The following SAP30BP variants were observed in gnomAD, a reference collection of about 807,000 sequenced individuals.
SAP30BP encodes the protein SAP30-binding protein.
In SAP30BP, 31 loss-of-function variants were observed where a neutral mutation model predicts 46.3. The ratio of observed to expected loss-of-function variants is 0.67; its 90% CI spans 0.50 to 0.90. The LOEUF (loss-of-function observed/expected upper bound fraction) is 0.90, where lower values mean the gene tolerates loss of function less well. Among genes scored for constraint, SAP30BP ranks in the 40% least tolerant of loss-of-function variants. SAP30BP has a pLI of 0.00. For missense variants in SAP30BP, 312 were observed against 391.0 expected (o/e 0.80, Z 1.70); for synonymous variants, 169 against 144.2 (o/e 1.17, Z -1.23).
Position 75,681,496 on chromosome 17 carries a change from A to G in SAP30BP, c.264+9633A>G, listed in dbSNP as rs180922016. On this transcript the variant is annotated intron_variant, in intron 3 of 10. Transcript: ENST00000584667. ...AATTCCCTCACCCACTCTCCTCTCA[A>G]CTCCTTCCCACTGTCCTTGCATTAC... Among the ~76,000 whole-genome samples the G allele has an allele frequency of 5.9e-5, 9 of 151,914 alleles. No individual in the cohort carries two copies. In the East Asian group the frequency reaches 1.6e-3, roughly 26 times the overall value.
At chr17:75,697,327 C>G (rs368639668) in intron 4 of SAP30BP, among the ~76,000 whole-genome samples, 6 of 152,204 alleles carry the variant, frequency 3.9e-5, no homozygotes, top group South Asian at 2.1e-4. Flanking sequence ...ACCAGCTCCC[C>G]CCAGCTGATT....
rs68006166 is a variant in SAP30BP, at chr17:75,687,917, G to GGTGTGTGTGT, written c.265-5493_265-5484dup. Among the ~76,000 whole-genome samples, 703 of 120,328 alleles carry GGTGTGTGTGT rather than the reference G, an allele frequency of 5.8e-3. 1 individual carries two copies. The highest frequency in any genetic ancestry group is 0.011 in the African/African-American group (362 of 32,966). 78.9% of individuals were successfully genotyped at this position (120,328 alleles called of 152,430 possible). A position where few individuals can be genotyped will look rare whatever the true frequency, so the allele number is the denominator to read the frequency against. On this transcript the variant is annotated intron_variant, in intron 3 of 10. Coordinates refer to ENST00000584667, the MANE Select transcript of SAP30BP (RefSeq NM_013260.8). ...CAGAAGACAAACTGACAGTGTTTGGGGTGTGTGTGTGTGTGTGTGTGTGTG... is the reference window on the plus strand; with the variant it reads ...CAGAAGACAAACTGACAGTGTTTGGGGTGTGTGTGTGTGTGTGTGTGTGTGTGTGTGTGTG...
intron 3 of SAP30BP, among the ~76,000 whole-genome samples, chr17:75,675,887 AGCCTGGGT>A (rs1324445810): frequency 2.0e-5 from 3 of 152,258 alleles, no homozygotes; most frequent in South Asian, 4.1e-4. Flanking sequence ...ACTGCACTCC[AGCCTGGGT>A]GACAGACTGA....
At position 75,703,853 on chromosome 17, in the gene SAP30BP, G is replaced by C; in HGVS notation, c.595G>C (p.Ala199Pro). ...HGWSEDSYYE[A>P]LAKAQKIEMD... is the part of the protein sequence containing the mutation. ...CTGGTCTGAGGACTCCTACTATGAG[G>C]CATTAGGTAGCCTTTCGTCCCTCCT... Residue 199 changes from alanine (A) to proline (P), a missense_variant, in exon 8 of 11, where the codon GCA becomes CCA. Transcript: ENST00000584667. 1 of 1,611,994 alleles carries C rather than the reference G, an allele frequency of 6.2e-7. No homozygotes were observed. Among genetic ancestry groups the C allele is most frequent in the Non-Finnish European group, 8.5e-7 (1 of 1,178,038 alleles).
rs66721865 is a variant in SAP30BP at position 75,674,697 on chromosome 17, G to GTTTTTTT, written c.264+2856_264+2862dup. On this transcript the variant is annotated intron_variant, in intron 3 of 10. Transcript: ENST00000584667. ...TATGAAGTTTTTTTGTTTGTTTTTT[G>GTTTTTTT]TTTTTTTTTTTTTTTTTTTTTTTTT... Among the ~76,000 whole-genome samples, 324 of 61,498 alleles carry GTTTTTTT rather than the reference G, an allele frequency of 5.3e-3. 14 individuals are homozygous for GTTTTTTT. The highest frequency in any genetic ancestry group is 0.011 in the East Asian group (22 of 1,934). The allele number at this position is 61,498 out of a possible 152,430, so 40.3% of individuals were successfully genotyped here. A position where few individuals can be genotyped will look rare whatever the true frequency, so the allele number is the denominator to read the frequency against.
intron 2 of SAP30BP, among the ~76,000 whole-genome samples, chr17:75,670,745 C>G (rs181786334): frequency 4.6e-5 from 7 of 152,116 alleles, no homozygotes; most frequent in African/African-American, 7.2e-5. Context: ...CATTTAAAGC[C>G]TTGGACTCAC....
intron 1 of SAP30BP, 39 bp downstream of exon 1, chr17:75,667,517 G>T: frequency 6.3e-7 from 1 of 1,582,856 alleles, no homozygotes; most frequent in Non-Finnish European, 8.7e-7. Flanking sequence ...GGAATCGGGT[G>T]TCTGCCCGGA....
chr17:75,702,978 G>A (rs1025660447), intron 6 of SAP30BP: 1 of 384,104 alleles, frequency 2.6e-6, no homozygotes, highest in Non-Finnish European at 4.8e-6. Flanking sequence ...GCGATGTCTG[G>A]TCTTCCTCCA....
At chr17:75,674,155 T>C (rs1054861004) in intron 3 of SAP30BP, among the ~76,000 whole-genome samples, 2 of 152,150 alleles carry the variant, frequency 1.3e-5, no homozygotes, top group South Asian at 2.1e-4. Flanking sequence ...ATCCCCAGCA[T>C]GAGTCTTCTG....
At chr17:75,669,251 A>AT (rs1207918844) in intron 2 of SAP30BP, among the ~76,000 whole-genome samples, 2 of 147,062 alleles carry the variant, frequency 1.4e-5, no homozygotes, top group African/African-American at 5.4e-5. Flanking sequence ...CTAACCTATT[A>AT]TTATTTTTTT....
At chr17:75,673,441 G>A (rs707707) in intron 3 of SAP30BP, among the ~76,000 whole-genome samples, 52,261 of 151,874 alleles carry the variant, frequency 0.34, 9,240 homozygotes, top group East Asian at 0.54. Context: ...TTTAGGGTAT[G>A]TGGGACTTGG....
At chr17:75,677,755 C>T (rs1259265280) in intron 3 of SAP30BP, among the ~76,000 whole-genome samples, 2 of 119,264 alleles carry the variant, frequency 1.7e-5, no homozygotes, top group African/African-American at 3.2e-5. Context: ...ACACCCAGCC[C>T]TTTTTTTTTT....
intron 5 of SAP30BP, among the ~76,000 whole-genome samples, chr17:75,700,728 G>A (rs191467652): frequency 2.5e-4 from 38 of 152,136 alleles, no homozygotes; most frequent in Admixed American, 1.6e-3. Flanking sequence ...CCCCACCACC[G>A]CCCTCCAGAA....
intron 3 of SAP30BP, among the ~76,000 whole-genome samples, chr17:75,673,085 T>A (rs2059930950): frequency 6.6e-6 from 1 of 152,218 alleles, no homozygotes; most frequent in African/African-American, 2.4e-5. Context: ...AAATATAGTG[T>A]GAGCTGTTCC....
chr17:75,703,793 C>T lies in SAP30BP; in HGVS notation c.550-15C>T. 2 of 1,611,632 alleles carry T rather than the reference C, an allele frequency of 1.2e-6. No homozygotes were observed. Among genetic ancestry groups the T allele is most frequent in the South Asian group, 1.1e-5 (1 of 91,006 alleles). On this transcript the variant is annotated splice_polypyrimidine_tract_variant and intron_variant, in intron 7 of 10. Coordinates refer to ENST00000584667, the MANE Select transcript of SAP30BP (RefSeq NM_013260.8). ...AGTCATTTGTCATCTGAGTCATTCG[C>T]CTTTTCCTTTGCAGGATATGTTTGA...
chr17:75,703,982 G>T, intron 8 of SAP30BP, 123 bp downstream of exon 8: 1 of 801,098 alleles, frequency 1.2e-6, no homozygotes, highest in Non-Finnish European at 2.2e-6. Flanking sequence ...CATGTTCAAG[G>T]GGGCTGGGTA....
rs543433161 is a variant in SAP30BP, at chr17:75,698,146, G to A, written c.308-1637G>A. On this transcript the variant is annotated intron_variant, in intron 4 of 10. Transcript: ENST00000584667. ...CGATCCAAAGCAGGACTGCAGTGCC[G>A]GGGTGGCCCAAGGCTGCGGGGAAGA... Among the ~76,000 whole-genome samples, 11 of 152,332 alleles carry A rather than the reference G, an allele frequency of 7.2e-5. No individual in the cohort carries two copies. In the East Asian group the frequency reaches 1.3e-3, roughly 19 times the overall value.
At chr17:75,703,169 G>T in intron 6 of SAP30BP, 142 bp from the exon 7 acceptor site, 1 of 706,014 alleles carries the variant, frequency 1.4e-6, no homozygotes. Context: ...GAGAGTGGAG[G>T]GCCATCAGGA....
intron 8 of SAP30BP, among the ~76,000 whole-genome samples, chr17:75,704,100 C>T (rs989850840): frequency 5.9e-5 from 9 of 152,120 alleles, no homozygotes; most frequent in Admixed American, 2.0e-4. Context: ...TTGGTGATGA[C>T]GGAGTTGCTG....
Sources: allele counts gnomAD v4.1 joint callset (sites outside exome capture counted in the v4.1 genomes callset), GRCh38; gene constraint gnomAD v4.1.1; transcripts MANE v1.5; gene names NCBI Gene and HGNC (gene_info 2026-07-23, HGNC 2026-07-21).